The following PJA2 variants were observed in gnomAD, a reference collection of about 807,000 sequenced individuals.
PJA2 encodes E3 ubiquitin-protein ligase Praja-2.
Under a neutral mutation model 69.3 loss-of-function variants are expected in PJA2, and 25 were observed. The observed-to-expected ratio is 0.36, with a 90% confidence interval of 0.26 to 0.50. PJA2 has a LOEUF of 0.50. Among genes scored for constraint, PJA2 ranks in the 20% least tolerant of loss-of-function variants. The pLI is 0.96. For synonymous variants in PJA2, 308 were observed against 277.8 expected (o/e 1.11, Z -1.08); for missense variants, 809 against 830.2 (o/e 0.97, Z 0.31).
intron 1 of PJA2, among the ~76,000 whole-genome samples, chr5:109,398,134 G>A (rs551168962): frequency 5.9e-5 from 9 of 152,242 alleles, no homozygotes; most frequent in Non-Finnish European, 1.3e-4. Context: ...AATGGCGATC[G>A]TTAAAAAGTC....
chr5:109,393,469 C>A (rs1747328160), intron 1 of PJA2, among the ~76,000 whole-genome samples: 1 of 152,068 alleles, frequency 6.6e-6, no homozygotes, highest in Non-Finnish European at 1.5e-5. Context: ...GTTAAGCAGT[C>A]CATCTTACAA....
intron 1 of PJA2, among the ~76,000 whole-genome samples, chr5:109,401,070 C>A (rs1012903099): frequency 2.0e-5 from 3 of 152,046 alleles, no homozygotes; most frequent in Non-Finnish European, 2.9e-5. Flanking sequence ...GGAGGGCAGA[C>A]CACTTGAGGC....
At chr5:109,364,394 C>T (rs991841954) in intron 5 of PJA2, among the ~76,000 whole-genome samples, 4 of 151,750 alleles carry the variant, frequency 2.6e-5, no homozygotes, top group South Asian at 2.1e-4. Flanking sequence ...GAGGCCGAGG[C>T]GGGCGGATCA....
Position 109,335,432 on chromosome 5 carries a change from T to C in PJA2, c.*1799A>G, listed in dbSNP as rs1761922509. The C allele has an allele frequency of 6.6e-6, 1 of 152,602 alleles. No individual in the cohort carries two copies. Among genetic ancestry groups the C allele is most frequent in the African/African-American group, 2.4e-5 (1 of 41,458 alleles). 9.5% of individuals were successfully genotyped at this position (152,602 alleles called of 1,614,324 possible). On this transcript the variant is annotated 3_prime_UTR_variant, in exon 10 of 10. Coordinates refer to ENST00000361189, the MANE Select transcript of PJA2 (RefSeq NM_014819.5). ...AACAGACAAAGAAGAAATATTTTCT[T>C]TGGGACAGCTGCTATCTAGAAGAAA...
chr5:109,336,275 G>C lies in PJA2; in HGVS notation c.*956C>G, dbSNP rs996317672. The stretch of plus-strand genomic sequence containing the variant: ...TTGCACATACTCGTCCACTGTGTGT[G>C]ATCACCTGAAGGAGACATTGTGCAT... On this transcript the variant is annotated 3_prime_UTR_variant, in exon 10 of 10. Coordinates refer to ENST00000361189, the MANE Select transcript of PJA2 (RefSeq NM_014819.5). The C allele has an allele frequency of 1.3e-5, 2 of 152,170 alleles. No homozygotes were observed. The highest frequency in any genetic ancestry group is 1.9e-4 in the East Asian group (1 of 5,200). 9.4% of individuals were successfully genotyped at this position (152,170 alleles called of 1,614,324 possible).
intron 4 of PJA2, 59 bp from the exon 5 acceptor site, chr5:109,368,805 G>A: frequency 6.7e-7 from 1 of 1,496,036 alleles, no homozygotes; most frequent in South Asian, 1.3e-5. Flanking sequence ...TATCATTTGG[G>A]GTGTTAACTA....
At chr5:109,398,240 T>C (rs1747462130) in intron 1 of PJA2, among the ~76,000 whole-genome samples, 1 of 152,014 alleles carries the variant, frequency 6.6e-6, no homozygotes, top group South Asian at 2.1e-4. Flanking sequence ...GATCTAGAAT[T>C]AGAAATACCA....
In PJA2 at chr5:109,372,690, G is replaced by A. The variant is rs574113245; in HGVS notation, c.1284-3944C>T. Among the ~76,000 whole-genome samples, 120 of 152,106 alleles carry A rather than the reference G, an allele frequency of 7.9e-4. 1 individual carries two copies. The highest frequency in any genetic ancestry group is 2.8e-3 in the African/African-American group (118 of 41,524). Reference sequence around the variant, plus strand: ...GGAGGTTGAGGCAGGTGAATCACCTGAGGTCGGGAGCTCGAGACCAGCCTA... The same window carrying A: ...GGAGGTTGAGGCAGGTGAATCACCTAAGGTCGGGAGCTCGAGACCAGCCTA... On this transcript the variant is annotated intron_variant, in intron 4 of 9. Coordinates refer to ENST00000361189, the MANE Select transcript of PJA2 (RefSeq NM_014819.5).
At chr5:109,376,256 T>TA (rs10612724) in intron 4 of PJA2, among the ~76,000 whole-genome samples, 32 of 132,580 alleles carry the variant, frequency 2.4e-4, no homozygotes, top group East Asian at 4.3e-4. Flanking sequence ...ATATTGTTTG[T>TA]AAAAAAAAAA....
intron 7 of PJA2, among the ~76,000 whole-genome samples, chr5:109,353,104 T>C (rs1365913587): frequency 1.4e-5 from 2 of 145,602 alleles, no homozygotes; most frequent in Non-Finnish European, 3.0e-5. Context: ...ATATATTAGA[T>C]ACCTATATCT....
intron 1 of PJA2, among the ~76,000 whole-genome samples, chr5:109,403,451 CAAAT>C (rs1280443375): frequency 6.6e-6 from 1 of 151,008 alleles, no homozygotes; most frequent in African/African-American, 2.4e-5. Context: ...AATTGTAAAA[CAAAT>C]AATACTAATC....
intron 1 of PJA2, among the ~76,000 whole-genome samples, chr5:109,395,073 G>A (rs1218659209): frequency 6.6e-6 from 1 of 152,072 alleles, no homozygotes; most frequent in Non-Finnish European, 1.5e-5. Flanking sequence ...CCAAGTACCC[G>A]GCAGAAGCAA....
chr5:109,373,159 C>T (rs1192897943), intron 4 of PJA2, among the ~76,000 whole-genome samples: 2 of 151,864 alleles, frequency 1.3e-5, no homozygotes, highest in African/African-American at 2.4e-5. Flanking sequence ...TGGATAGTGA[C>T]AGAATAGAGA....
chr5:109,399,591 G>T (rs1172347226), intron 1 of PJA2, among the ~76,000 whole-genome samples: 2 of 152,162 alleles, frequency 1.3e-5, no homozygotes, highest in African/African-American at 4.8e-5. Flanking sequence ...GAATTAGATT[G>T]AATCAACCCC....
intron 6 of PJA2, among the ~76,000 whole-genome samples, chr5:109,359,871 C>T (rs1183102614): frequency 6.6e-6 from 1 of 151,960 alleles, no homozygotes. Context: ...TGTTATATAA[C>T]AAAATGGTCT....
chr5:109,368,449 C>T (rs529042263), intron 5 of PJA2, 112 bp downstream of exon 5: 1 of 881,928 alleles, frequency 1.1e-6, no homozygotes, highest in Non-Finnish European at 1.7e-6. Flanking sequence ...GGGGGGCCTA[C>T]TGGTTCTACA....
In PJA2 at chr5:109,355,983, T is replaced by C. The variant is rs1381376106; in HGVS notation, c.1696A>G (p.Ile566Val). The part of the protein sequence containing the change: ...FADGLGVAEA[I>V]SYVDPQFLTY... Reference sequence around the variant, plus strand: ...AGGAACTGAGGATCCACATATGAAATAGCTTCAGCAACTCCTAGTCCATCT... The same window carrying C: ...AGGAACTGAGGATCCACATATGAAACAGCTTCAGCAACTCCTAGTCCATCT... The change falls in exon 7 of 10, where the codon ATT becomes GTT. Residue 566 changes from isoleucine to valine, a missense_variant. Ile to Val is a conservative substitution (Grantham distance 29). This residue lies in a region of PJA2 where 55 missense variants were observed against 90.7 expected (regional missense o/e 0.61). Coordinates refer to ENST00000361189, the MANE Select transcript of PJA2 (RefSeq NM_014819.5). The C allele has an allele frequency of 6.2e-7, 1 of 1,612,772 alleles. No individual in the cohort carries two copies. Among genetic ancestry groups the C allele is most frequent in the Non-Finnish European group, 8.5e-7 (1 of 1,179,794 alleles).
chr5:109,348,169 C>A (rs1341156475), intron 7 of PJA2, among the ~76,000 whole-genome samples: 1 of 152,182 alleles, frequency 6.6e-6, no homozygotes, highest in Non-Finnish European at 1.5e-5. Context: ...AGCTCCTATA[C>A]TTGATCTTAC....
chr5:109,406,717 G>A (rs1747700298), intron 1 of PJA2, among the ~76,000 whole-genome samples: 1 of 152,110 alleles, frequency 6.6e-6, no homozygotes, highest in Non-Finnish European at 1.5e-5. Flanking sequence ...ATAAATGAAT[G>A]TTCATTGAAT....
Sources: allele counts gnomAD v4.1 joint callset (sites outside exome capture counted in the v4.1 genomes callset), GRCh38; gene constraint gnomAD v4.1.1; regional missense constraint gnomAD v4.1.1; transcripts MANE v1.5; gene names NCBI Gene and HGNC (gene_info 2026-07-23, HGNC 2026-07-21).